NRXN1: variants seen among roughly 807,000 people sequenced by gnomAD.
NRXN1 encodes the protein neurexin 1.
A neutral mutation model predicts 150.9 loss-of-function variants in NRXN1; 39 were observed. The ratio of observed to expected loss-of-function variants is 0.26; its 90% CI spans 0.20 to 0.34. The LOEUF (loss-of-function observed/expected upper bound fraction) is 0.34. Ranked by LOEUF, NRXN1 falls within the 10% of genes least tolerant of loss-of-function variation. NRXN1 has a pLI of 1.00. For synonymous variants in NRXN1, 924 were observed against 757.0 expected (o/e 1.22, Z -3.62); for missense variants, 1,815 against 1,949.9 (o/e 0.93, Z 1.30).
At chr2:50,943,507 T>C (rs1189213099) in intron 2 of NRXN1, among the ~76,000 whole-genome samples, 1 of 152,198 alleles carries the variant, frequency 6.6e-6, no homozygotes, top group Non-Finnish European at 1.5e-5. Flanking sequence ...TGCTATCTAA[T>C]AGCACCTTCT....
At chr2:50,478,948 G>A (rs1313827530) in intron 15 of NRXN1, among the ~76,000 whole-genome samples, 1 of 151,534 alleles carries the variant, frequency 6.6e-6, no homozygotes, top group Non-Finnish European at 1.5e-5. Context: ...TTTTCTTCTT[G>A]TACACACCTT....
chr2:50,008,705 G>A (rs568088091), intron 21 of NRXN1, among the ~76,000 whole-genome samples: 71 of 152,136 alleles, frequency 4.7e-4, no homozygotes, highest in African/African-American at 1.6e-3. Context: ...TAATACAAGT[G>A]CAGATCGAGT....
chr2:50,487,377 C>G (rs2090948987), intron 15 of NRXN1, among the ~76,000 whole-genome samples: 1 of 152,104 alleles, frequency 6.6e-6, no homozygotes, highest in African/African-American at 2.4e-5. Context: ...AAAGGGGCCA[C>G]TTTTAAGAAT....
intron 5 of NRXN1, among the ~76,000 whole-genome samples, chr2:50,706,427 T>G (rs1694447514): frequency 6.6e-6 from 1 of 152,126 alleles, no homozygotes. Context: ...GACTGTTACT[T>G]TAGTAAATAA....
intron 2 of NRXN1, among the ~76,000 whole-genome samples, chr2:50,935,496 A>G (rs771303116): frequency 1.3e-5 from 2 of 152,290 alleles, no homozygotes; most frequent in South Asian, 4.1e-4. Context: ...GCACTTCGGG[A>G]GGCCAAGGCA....
intron 17 of NRXN1, among the ~76,000 whole-genome samples, chr2:50,289,895 AAT>A (rs2072697883): frequency 6.6e-6 from 1 of 152,162 alleles, no homozygotes. Flanking sequence ...TAAAAGGAAA[AAT>A]ATAATATTTA....
At chr2:50,123,831 C>T (rs1704202011) in intron 18 of NRXN1, among the ~76,000 whole-genome samples, 1 of 152,066 alleles carries the variant, frequency 6.6e-6, no homozygotes, top group Non-Finnish European at 1.5e-5. Context: ...ATTGCTATCC[C>T]TTCAGATGGA....
intron 15 of NRXN1, among the ~76,000 whole-genome samples, chr2:50,476,897 A>G (rs1224354956): frequency 6.6e-6 from 1 of 152,158 alleles, no homozygotes; most frequent in Non-Finnish European, 1.5e-5. Context: ...AAGAGGACAA[A>G]AAAACTCTAT....
chr2:51,007,791 C>T (rs376400222), intron 2 of NRXN1, among the ~76,000 whole-genome samples: 1 of 151,716 alleles, frequency 6.6e-6, no homozygotes, highest in South Asian at 2.1e-4. Context: ...TAGACAACAG[C>T]AAATAATTAT....
At chr2:50,773,925 G>C (rs1330880497) in intron 5 of NRXN1, among the ~76,000 whole-genome samples, 1 of 152,088 alleles carries the variant, frequency 6.6e-6, no homozygotes, top group Non-Finnish European at 1.5e-5. Context: ...ACACTGATGA[G>C]AAGAAACAGG....
intron 18 of NRXN1, among the ~76,000 whole-genome samples, chr2:50,098,860 T>TGG (rs1558874915): frequency 6.5e-5 from 2 of 30,612 alleles, no homozygotes; most frequent in African/African-American, 2.7e-4. Flanking sequence ...TTTTTTTTTT[T>TGG]TTTTTTTTTT....
intron 8 of NRXN1, among the ~76,000 whole-genome samples, chr2:50,570,924 T>C (rs1400829656): frequency 1.3e-5 from 2 of 152,164 alleles, no homozygotes; most frequent in East Asian, 1.9e-4. Flanking sequence ...CTATGCTAGA[T>C]AGATGTAAAT....
intron 5 of NRXN1, among the ~76,000 whole-genome samples, chr2:50,887,368 A>G (rs1050306648): frequency 6.6e-6 from 1 of 151,506 alleles, no homozygotes; most frequent in Admixed American, 6.6e-5. Context: ...TAGGCTATTT[A>G]ATACTGTTTC....
intron 5 of NRXN1, among the ~76,000 whole-genome samples, chr2:50,860,654 C>T (rs558364958): frequency 1.3e-5 from 2 of 152,154 alleles, no homozygotes; most frequent in African/African-American, 4.8e-5. Flanking sequence ...GAAAGCCACA[C>T]AGGAGTTTAG....
chr2:50,421,186 A>G (rs892586856), intron 17 of NRXN1, among the ~76,000 whole-genome samples: 16 of 151,960 alleles, frequency 1.1e-4, no homozygotes, highest in Admixed American at 4.6e-4. Flanking sequence ...GATATGCTGC[A>G]TTTCTACAAA....
chr2:50,640,847 G>C (rs1443404077), intron 5 of NRXN1, among the ~76,000 whole-genome samples: 3 of 152,126 alleles, frequency 2.0e-5, no homozygotes, highest in Admixed American at 6.6e-5. Context: ...TATGCTTTAA[G>C]TATTTCTGGT....
chr2:50,169,510 C>T (rs189470342), intron 18 of NRXN1, among the ~76,000 whole-genome samples: 17 of 151,816 alleles, frequency 1.1e-4, no homozygotes, highest in African/African-American at 1.9e-4. Flanking sequence ...GTCAGGAGTT[C>T]GAGACCAGTC....
At chr2:50,595,071 G>A (rs891385177) in intron 8 of NRXN1, among the ~76,000 whole-genome samples, 3 of 150,194 alleles carry the variant, frequency 2.0e-5, no homozygotes, top group African/African-American at 7.3e-5. Flanking sequence ...ATCCAGATTG[G>A]GAAAGCTGGT....
At chr2:50,212,910 A>G (rs891420152) in intron 18 of NRXN1, among the ~76,000 whole-genome samples, 10 of 152,010 alleles carry the variant, frequency 6.6e-5, no homozygotes, top group Admixed American at 4.6e-4. Flanking sequence ...CTTCATCATG[A>G]GAATTTCCAA....
Sources: allele counts gnomAD v4.1 joint callset (sites outside exome capture counted in the v4.1 genomes callset), GRCh38; gene constraint gnomAD v4.1.1; transcripts MANE v1.5; gene names NCBI Gene and HGNC (gene_info 2026-07-23, HGNC 2026-07-21).